Variants in ECH1 observed in about 807,000 individuals in gnomAD.
ECH1 encodes delta(3,5)-Delta(2,4)-dienoyl-CoA isomerase, mitochondrial.
A neutral mutation model predicts 37.0 loss-of-function variants in ECH1; 30 were observed. The observed-to-expected ratio is 0.81, with a 90% CI of 0.61 to 1.10. ECH1 has a LOEUF of 1.10. ECH1 is among the 50% of genes least tolerant of loss of function. ECH1 has a pLI of 0.00. For missense variants in ECH1, 456 were observed against 441.6 expected (o/e 1.03, Z -0.29); for synonymous variants, 178 against 176.0 (o/e 1.01, Z -0.09).
At chr19:38,816,586 C>T (rs1027222500) in intron 6 of ECH1, 63 bp from the exon 7 acceptor site, 5 of 1,578,876 alleles carry the variant, frequency 3.2e-6, no homozygotes, top group South Asian at 1.1e-5. Context: ...GCAATGTCAA[C>T]GTCCATGAAA....
chr19:38,821,592 G>C (rs541395281), intron 3 of ECH1, among the ~76,000 whole-genome samples: 3 of 152,196 alleles, frequency 2.0e-5, no homozygotes, highest in Non-Finnish European at 4.4e-5. Flanking sequence ...CACTCGGAGT[G>C]GTGGGCCGGC....
chr19:38,824,767 A>C (rs1423326976), intron 3 of ECH1, among the ~76,000 whole-genome samples: 2 of 152,156 alleles, frequency 1.3e-5, no homozygotes, highest in Non-Finnish European at 2.9e-5. Flanking sequence ...TCAGCTTACC[A>C]CCATATCCTA....
chr19:38,819,807 A>G (rs555679458), intron 3 of ECH1, among the ~76,000 whole-genome samples: 1 of 151,960 alleles, frequency 6.6e-6, no homozygotes, highest in Admixed American at 6.6e-5. Flanking sequence ...TTAGCTGCAC[A>G]TGAGGCTGGG....
rs1971600013 is a variant in ECH1, at chr19:38,817,614, G to A, written c.350-39C>T. 5 of 1,554,938 alleles carry A rather than the reference G, an allele frequency of 3.2e-6. No homozygotes were observed. The South Asian group carries it at 6.0e-5, about 19-fold the overall frequency. On this transcript the variant is annotated intron_variant, in intron 3 of 9. Coordinates refer to ENST00000221418, the MANE Select transcript of ECH1 (RefSeq NM_001398.3). ...ATGATGGAGCTCATCCAGGCTCCCA[G>A]GCCCCACCCATTGACTCAACCAGGG... is the stretch of plus-strand genomic sequence containing the variant.
intron 3 of ECH1, among the ~76,000 whole-genome samples, chr19:38,829,414 T>C (rs2145389389): frequency 6.6e-6 from 1 of 151,834 alleles, no homozygotes; most frequent in African/African-American, 2.4e-5. Flanking sequence ...TGAGCCAAAA[T>C]TGCATCACTA....
chr19:38,818,283 T>C lies in ECH1; in HGVS notation c.350-708A>G, dbSNP rs1971607869. The C allele has an allele frequency of 3.0e-6, 3 of 985,406 alleles. No homozygotes were observed. The South Asian group carries it at 1.4e-4, about 46-fold the overall frequency. The allele number at this position is 985,406 out of a possible 1,614,324, so 61.0% of individuals were successfully genotyped here. ...GCAATGCAGTCAATGGTGGTGATGTTTCCTGAGATGAGAAACATCTCACGA... is the reference window on the plus strand; with the variant it reads ...GCAATGCAGTCAATGGTGGTGATGTCTCCTGAGATGAGAAACATCTCACGA... On this transcript the variant is annotated intron_variant, in intron 3 of 9. Transcript: ENST00000221418.
intron 3 of ECH1, among the ~76,000 whole-genome samples, chr19:38,828,701 T>C (rs1971772851): frequency 6.6e-6 from 1 of 152,034 alleles, no homozygotes. Flanking sequence ...CTGCAACCTC[T>C]GCCTCCCAGG....
intron 4 of ECH1, 23 bp downstream of exon 4, chr19:38,817,428 C>T (rs1971595515): frequency 1.2e-6 from 2 of 1,612,040 alleles, no homozygotes; most frequent in South Asian, 2.2e-5. Context: ...GGAGAAAGAT[C>T]CCCTCCAGAC....
At chr19:38,828,231 A>G (rs1311311020) in intron 3 of ECH1, among the ~76,000 whole-genome samples, 1 of 152,128 alleles carries the variant, frequency 6.6e-6, no homozygotes, top group African/African-American at 2.4e-5. Flanking sequence ...AGGAAAGTGA[A>G]GCCGTTTTCT....
chr19:38,818,531 C>T, intron 3 of ECH1: 1 of 369,662 alleles, frequency 2.7e-6, no homozygotes, highest in Non-Finnish European at 3.7e-6. Flanking sequence ...TCTTGTCGCC[C>T]AGGCTGGAGT....
rs1260952200 is a variant in ECH1, at chr19:38,831,490, G to A, written c.79C>T (p.Leu27Phe). The change falls in exon 2 of 10, where the codon CTC becomes TTC. Residue 27 changes from leucine (L) to phenylalanine (F), a missense_variant. Transcript: ENST00000221418. Reference sequence around the variant, plus strand: ...CCAGTGAGGCGAAGGCTAATACTGAGTCCCGGGTAGTTGGAGCCTGTCAGT... The same window carrying A: ...CCAGTGAGGCGAAGGCTAATACTGAATCCCGGGTAGTTGGAGCCTGTCAGT... ...RRLTGSNYPGLSISLRLTGSS... is the reference protein window; with the variant it reads ...RRLTGSNYPGFSISLRLTGSS... 1.9e-6 allele frequency: 3 copies of A among 1,613,986 alleles called. No individual in the cohort carries two copies. Among genetic ancestry groups the A allele is most frequent in the East Asian group, 2.2e-5 (1 of 44,896 alleles).
At chr19:38,817,410 G>A in intron 4 of ECH1, 41 bp downstream of exon 4, 1 of 1,610,020 alleles carries the variant, frequency 6.2e-7, no homozygotes, top group Non-Finnish European at 8.5e-7. Flanking sequence ...CCCAGGGGAG[G>A]CGCGTATGGA....
chr19:38,828,281 G>C (rs910593878), intron 3 of ECH1, among the ~76,000 whole-genome samples: 2 of 152,124 alleles, frequency 1.3e-5, no homozygotes, highest in African/African-American at 4.8e-5. Flanking sequence ...ACCAAGGCTG[G>C]AGTGCAATGG....
rs751078219 is a variant in ECH1, at chr19:38,831,112, C to T, written c.315G>A (p.Val105=). Residue 105 remains valine (V), a synonymous_variant, in exon 3 of 10, where the codon GTG becomes GTA. Coordinates refer to ENST00000221418, the MANE Select transcript of ECH1 (RefSeq NM_001398.3). ...KISRDADCRA[V]VISGAGKMFT... Reference sequence around the variant, plus strand: ...ACATTTTTCCTGCACCAGAGATCACCACCGCCCGACAGTCAGCGTCTCTCG... The same window carrying T: ...ACATTTTTCCTGCACCAGAGATCACTACCGCCCGACAGTCAGCGTCTCTCG... 6.2e-6 allele frequency: 10 copies of T among 1,613,904 alleles called. No individual in the cohort carries two copies. Among genetic ancestry groups the T allele is most frequent in the Middle Eastern group, 3.3e-4 (2 of 6,062 alleles).
Position 38,817,511 on chromosome 19 carries a change from G to A in ECH1, c.414C>T (p.Ile138=), listed in dbSNP as rs1971597808. The change falls in exon 4 of 10, where the codon ATC becomes ATT. Residue 138 remains isoleucine, a synonymous_variant. Coordinates refer to ENST00000221418, the MANE Select transcript of ECH1 (RefSeq NM_001398.3). The stretch of plus-strand genomic sequence containing the variant: ...TGATGATGTCACGGAGGTACCAGCT[G>A]ATCCGGGCCACATCATCTCCTTTGG... ...LQPKGDDVAR[I]SWYLRDIITR... 6.2e-7 allele frequency: 1 copy of A among 1,613,982 alleles called. No individual in the cohort carries two copies. Among genetic ancestry groups the A allele is most frequent in the African/African-American group, 1.3e-5 (1 of 75,022 alleles).
At chr19:38,828,111 G>A (rs1254988454) in intron 3 of ECH1, among the ~76,000 whole-genome samples, 19 of 152,070 alleles carry the variant, frequency 1.2e-4, no homozygotes, top group Admixed American at 8.5e-4. Flanking sequence ...ACCAAAACAC[G>A]AAACTCAACA....
chr19:38,829,035 A>G (rs1314806807), intron 3 of ECH1, among the ~76,000 whole-genome samples: 1 of 150,356 alleles, frequency 6.7e-6, no homozygotes, highest in Non-Finnish European at 1.5e-5. Flanking sequence ...CTGTAATCCC[A>G]GCACTTTGGG....
chr19:38,823,820 C>G (rs557987522), intron 3 of ECH1, among the ~76,000 whole-genome samples: 1 of 152,348 alleles, frequency 6.6e-6, no homozygotes, highest in South Asian at 2.1e-4. Flanking sequence ...TTCCTCTCAC[C>G]TCTCTTCTCC....
At position 38,831,061 on chromosome 19, in the gene ECH1, TGAA is replaced by T; in HGVS notation, c.349+14_349+16del. On this transcript the variant is annotated intron_variant, in intron 3 of 9. Coordinates refer to ENST00000221418, the MANE Select transcript of ECH1 (RefSeq NM_001398.3). ...GAGCTAGGAAGGCTGGCAGGGTGTG[TGAA>T]GAGCGTCTGGTACCTGCAGTGAACA... 6.2e-7 allele frequency: 1 copy of T among 1,612,550 alleles called. No individual in the cohort carries two copies. The highest frequency in any genetic ancestry group is 8.5e-7 in the Non-Finnish European group (1 of 1,178,664).
Sources: allele counts gnomAD v4.1 joint callset (sites outside exome capture counted in the v4.1 genomes callset), GRCh38; gene constraint gnomAD v4.1.1; transcripts MANE v1.5; gene names NCBI Gene and HGNC (gene_info 2026-07-23, HGNC 2026-07-21).